The following ZNRF3 variants were observed in gnomAD, a reference collection of about 807,000 sequenced individuals.
The protein encoded by ZNRF3 is E3 ubiquitin-protein ligase ZNRF3.
ZNRF3 carries 23 observed loss-of-function variants against 72.5 expected under a neutral mutation model. The ratio of observed to expected loss-of-function variants is 0.32; its 90% CI spans 0.23 to 0.45. The LOEUF is 0.45. ZNRF3 is among the 20% of genes least tolerant of loss of function. The pLI, the probability that ZNRF3 is intolerant of heterozygous loss-of-function variation, is 1.00. For missense variants in ZNRF3, 1,169 were observed against 1,272.1 expected (o/e 0.92, Z 1.23); for synonymous variants, 610 against 545.3 (o/e 1.12, Z -1.65).
Position 28,887,122 on chromosome 22 carries a change from G to GA in ZNRF3, c.300+3062dup, listed in dbSNP as rs534665241. 8.9e-3 allele frequency among the ~76,000 whole-genome samples: 1,348 copies of GA among 152,122 alleles called. 20 individuals carry two copies. Among genetic ancestry groups the GA allele is most frequent in the African/African-American group, 0.028 (1,165 of 41,490 alleles). ...TTTTATTTATTCATGGTTTAGGGGAGAAAAAACCTGTTTAGGAGTGTCACC... is the reference window on the plus strand; with the variant it reads ...TTTTATTTATTCATGGTTTAGGGGAGAAAAAAACCTGTTTAGGAGTGTCACC... On this transcript the variant is annotated intron_variant, in intron 1 of 8. Coordinates refer to ENST00000544604, the MANE Select transcript of ZNRF3 (RefSeq NM_001206998.2).
At chr22:28,887,596 T>G (rs2033815995) in intron 1 of ZNRF3, among the ~76,000 whole-genome samples, 1 of 152,168 alleles carries the variant, frequency 6.6e-6, no homozygotes, top group African/African-American at 2.4e-5. Context: ...GAAAACAATT[T>G]GTGGGTATGA....
At chr22:28,905,156 C>A (rs56828081) in intron 1 of ZNRF3, among the ~76,000 whole-genome samples, 2 of 152,002 alleles carry the variant, frequency 1.3e-5, no homozygotes, top group African/African-American at 4.8e-5. Context: ...AGGTTGATCT[C>A]GAATTCCTGG....
At chr22:28,965,695 T>G (rs1055650758) in intron 1 of ZNRF3, among the ~76,000 whole-genome samples, 4 of 152,212 alleles carry the variant, frequency 2.6e-5, no homozygotes, top group African/African-American at 9.6e-5. Flanking sequence ...TAGAGAAGAC[T>G]CTGAAAGTGA....
intron 1 of ZNRF3, among the ~76,000 whole-genome samples, chr22:28,929,249 A>T (rs2034662941): frequency 6.6e-6 from 1 of 152,264 alleles, no homozygotes; most frequent in Non-Finnish European, 1.5e-5. Context: ...GACTTTATTG[A>T]TGATATAACA....
intron 2 of ZNRF3, among the ~76,000 whole-genome samples, chr22:28,988,817 C>T (rs2035901699): frequency 6.6e-6 from 1 of 152,094 alleles, no homozygotes; most frequent in Non-Finnish European, 1.5e-5. Flanking sequence ...TTTGCTTTGC[C>T]CCGGTCTGGT....
chr22:29,003,641 A>G (rs2036192268), intron 2 of ZNRF3, among the ~76,000 whole-genome samples: 1 of 151,810 alleles, frequency 6.6e-6, no homozygotes, highest in Non-Finnish European at 1.5e-5. Context: ...AGAGTTGGAG[A>G]CCAGCCTCGG....
intron 1 of ZNRF3, among the ~76,000 whole-genome samples, chr22:28,955,207 A>C (rs1362713766): frequency 1.3e-5 from 2 of 149,310 alleles, no homozygotes; most frequent in African/African-American, 2.5e-5. Context: ...CACCCAGCTA[A>C]TTTTTTAAAA....
At position 29,044,841 on chromosome 22, in the gene ZNRF3, T is replaced by G; in HGVS notation, c.695T>G (p.Val232Gly). 1 of 1,614,128 alleles carries G rather than the reference T, an allele frequency of 6.2e-7. No homozygotes were observed. The highest frequency in any genetic ancestry group is 8.5e-7 in the Non-Finnish European group (1 of 1,180,026). Residue 232 changes from valine to glycine, a missense_variant, in exon 5 of 9, where the codon GTC becomes GGC. By Grantham distance (109) the Val-to-Gly change is moderately radical. Transcript: ENST00000544604. ...GCTTTCTTCGTCGTGGTCTCCTTGG[T>G]CTGCCTCATCCTCCTTGTCAAAATC... is the stretch of plus-strand genomic sequence containing the variant. ...FLAFFVVVSLVCLILLVKIKL... is the reference protein window; with the variant it reads ...FLAFFVVVSLGCLILLVKIKL...
chr22:28,920,363 C>T (rs910508802), intron 1 of ZNRF3, among the ~76,000 whole-genome samples: 4 of 151,792 alleles, frequency 2.6e-5, no homozygotes, highest in Non-Finnish European at 4.4e-5. Flanking sequence ...CTCTGCCTCC[C>T]GGGTTCAAAC....
chr22:28,995,700 C>G (rs2036034991), intron 2 of ZNRF3, among the ~76,000 whole-genome samples: 2 of 151,980 alleles, frequency 1.3e-5, no homozygotes, highest in Admixed American at 6.6e-5. Context: ...TCTAGCACAG[C>G]AGTTCTCAAA....
At chr22:28,884,717 A>G (rs1456500789) in intron 1 of ZNRF3, among the ~76,000 whole-genome samples, 1 of 152,160 alleles carries the variant, frequency 6.6e-6, no homozygotes, top group Non-Finnish European at 1.5e-5. Flanking sequence ...TGGGAGGGAT[A>G]CCGCCTGCCC....
intron 1 of ZNRF3, among the ~76,000 whole-genome samples, chr22:28,970,445 A>G (rs1355652126): frequency 6.6e-6 from 1 of 152,244 alleles, no homozygotes; most frequent in Non-Finnish European, 1.5e-5. Flanking sequence ...TCCTTCGGAA[A>G]AGTTTGGAGT....
chr22:28,949,955 C>T (rs976810608), intron 1 of ZNRF3, among the ~76,000 whole-genome samples: 76 of 52,302 alleles, frequency 1.5e-3, no homozygotes, highest in Middle Eastern at 0.012. Context: ...CATTTCGCCA[C>T]GCAGAATTTT....
chr22:28,965,448 G>A (rs775624663), intron 1 of ZNRF3, among the ~76,000 whole-genome samples: 2 of 152,090 alleles, frequency 1.3e-5, no homozygotes, highest in Non-Finnish European at 2.9e-5. Context: ...TTTGCTCAAG[G>A]TCACATACAA....
chr22:28,966,695 C>T (rs1294443185), intron 1 of ZNRF3, among the ~76,000 whole-genome samples: 1 of 151,794 alleles, frequency 6.6e-6, no homozygotes, highest in Non-Finnish European at 1.5e-5. Context: ...AATTTTTTTA[C>T]AGCTGTACAA....
intron 2 of ZNRF3, among the ~76,000 whole-genome samples, chr22:29,040,366 A>T (rs995618042): frequency 1.3e-5 from 2 of 151,980 alleles, no homozygotes; most frequent in Non-Finnish European, 2.9e-5. Context: ...TTTTTAGTAG[A>T]GATAGGCTTT....
Position 29,049,234 on chromosome 22 carries a change from C to A in ZNRF3, c.1053C>A (p.Thr351=). The part of the protein sequence containing the change: ...KGNPSAVCVE[T]SNLSRGRQQR... ...ACCCAAGCGCGGTGTGTGTGGAGAC[C>A]AGCAACCTCTCACGTGGTCGGCAGC... The change falls in exon 8 of 9, where the codon ACC becomes ACA. Residue 351 remains threonine (T), a synonymous_variant. Transcript: ENST00000544604. The surrounding 1 kb of genome is among the most constrained non-coding windows in gnomAD (Gnocchi z 5.2). 6.2e-7 allele frequency: 1 copy of A among 1,611,532 alleles called. No homozygotes were observed. The highest frequency in any genetic ancestry group is 1.1e-5 in the South Asian group (1 of 90,674).
chr22:28,935,274 C>T (rs574357756), intron 1 of ZNRF3, among the ~76,000 whole-genome samples: 2 of 152,220 alleles, frequency 1.3e-5, no homozygotes, highest in Non-Finnish European at 2.9e-5. Flanking sequence ...TTAAGGTTGC[C>T]TGTGTACCTG....
intron 1 of ZNRF3, among the ~76,000 whole-genome samples, chr22:28,955,235 G>A (rs189316609): frequency 2.6e-5 from 4 of 151,872 alleles, no homozygotes; most frequent in African/African-American, 9.7e-5. Flanking sequence ...TAGCGATGGA[G>A]TCTTGGTGTG....
Sources: gnomAD v4.1 joint callset for allele counts (sites outside exome capture counted in the v4.1 genomes callset) on GRCh38, gnomAD v4.1.1 for gene constraint, Gnocchi (gnomAD v3.1) non-coding constraint, MANE v1.5 for transcripts, NCBI Gene and HGNC (gene_info 2026-07-23, HGNC 2026-07-21) for gene names.